The following RPH3AL variants were observed in gnomAD, a reference collection of about 807,000 sequenced individuals.
The protein encoded by RPH3AL is rabphilin 3A like (without C2 domains), also known as rab effector Noc2.
Under a neutral mutation model 43.1 loss-of-function variants are expected in RPH3AL, and 38 were observed. That is an observed-to-expected ratio of 0.88 (90% CI 0.68 to 1.15). The LOEUF is 1.15. Among genes scored for constraint, RPH3AL ranks in the 50% most tolerant of loss-of-function variants. The pLI is 0.00. For missense variants in RPH3AL, 462 were observed against 423.2 expected (o/e 1.09, Z -0.81); for synonymous variants, 189 against 176.3 (o/e 1.07, Z -0.57).
chr17:272,422 G>T (rs2042488192), intron 6 of RPH3AL, among the ~76,000 whole-genome samples: 1 of 151,928 alleles, frequency 6.6e-6, no homozygotes, highest in Admixed American at 6.6e-5. Context: ...GTACTATGCA[G>T]CCATAAAAAA....
At chr17:332,973 C>G in intron 2 of RPH3AL, 1 of 1,267,914 alleles carries the variant, frequency 7.9e-7, no homozygotes, top group South Asian at 1.3e-5. Flanking sequence ...TGATAATTTC[C>G]CGAAAAATTC....
chr17:329,418 G>A (rs550483253), intron 2 of RPH3AL, among the ~76,000 whole-genome samples: 4 of 152,358 alleles, frequency 2.6e-5, no homozygotes, highest in African/African-American at 9.6e-5. Flanking sequence ...GGAGGTTGCA[G>A]TGAGCCGAGA....
chr17:299,525 G>A (rs776304203), intron 5 of RPH3AL, among the ~76,000 whole-genome samples: 1 of 152,220 alleles, frequency 6.6e-6, no homozygotes, highest in Non-Finnish European at 1.5e-5. Flanking sequence ...CAGCAGAAGA[G>A]CTGCCCCCCG....
chr17:309,535 GC>G (rs66620061), intron 5 of RPH3AL, among the ~76,000 whole-genome samples: 13,859 of 58,418 alleles, frequency 0.24, 1,906 homozygotes, highest in East Asian at 0.51. Flanking sequence ...GCTCCTGCCA[GC>G]CCCCCTGCTG....
chr17:221,903 G>A (rs1296676272), intron 7 of RPH3AL, among the ~76,000 whole-genome samples: 1 of 99,876 alleles, frequency 1.0e-5, no homozygotes, highest in Non-Finnish European at 2.0e-5. Flanking sequence ...CATCAGCTCT[G>A]AGGCCTCCAC....
chr17:248,060 C>T (rs1555540935), intron 6 of RPH3AL, among the ~76,000 whole-genome samples: 6 of 152,180 alleles, frequency 3.9e-5, no homozygotes, highest in Non-Finnish European at 2.9e-5. Flanking sequence ...GGCACCTTCT[C>T]TTGCTGGCCC....
chr17:333,557 AT>A lies in RPH3AL; in HGVS notation c.-37+201del. ...AGTATTAAAGTTCTTTAAAAATATG[AT>A]TTTAAACTATAACTTAGTATTCTGA... On this transcript the variant is annotated intron_variant, in intron 2 of 9. Coordinates refer to ENST00000331302, the MANE Select transcript of RPH3AL (RefSeq NM_006987.4). This position sits in a 1 kb window ranked among gnomAD's most constrained non-coding sequence, Gnocchi z 4.5. 1 of 303,908 alleles carries A rather than the reference AT, an allele frequency of 3.3e-6. No individual in the cohort carries two copies. The highest frequency in any genetic ancestry group is 7.7e-5 in the East Asian group (1 of 12,970). 18.8% of individuals were successfully genotyped at this position (303,908 alleles called of 1,614,324 possible).
rs2041755694 is a variant in RPH3AL at position 246,021 on chromosome 17, A to G, written c.613+1090T>C. On this transcript the variant is annotated intron_variant, in intron 7 of 9. Coordinates refer to ENST00000331302, the MANE Select transcript of RPH3AL (RefSeq NM_006987.4). The surrounding 1 kb of genome is among the most constrained non-coding windows in gnomAD (Gnocchi z 4.8). ...GCCTGCAGGCTGCACACCAAGGCAC[A>G]GATGCCGACCTACCTGGCAGGTCCA... Among the ~76,000 whole-genome samples the G allele has an allele frequency of 6.6e-6, 1 of 152,202 alleles. No homozygotes were observed. Among genetic ancestry groups the G allele is most frequent in the Admixed American group, 6.5e-5 (1 of 15,282 alleles).
intron 3 of RPH3AL, among the ~76,000 whole-genome samples, chr17:326,272 G>T (rs1183774462): frequency 1.3e-5 from 2 of 152,242 alleles, no homozygotes; most frequent in African/African-American, 4.8e-5. Context: ...GCTCTCCTGG[G>T]GCGTTTCGAA....
At chr17:309,961 A>AGTCT (rs1296980037) in intron 5 of RPH3AL, among the ~76,000 whole-genome samples, 1 of 151,194 alleles carries the variant, frequency 6.6e-6, no homozygotes, top group Non-Finnish European at 1.5e-5. Context: ...AAGACTGCCC[A>AGTCT]GTCTTCCTTC....
At chr17:268,967 C>T (rs905219477) in intron 6 of RPH3AL, among the ~76,000 whole-genome samples, 10 of 152,194 alleles carry the variant, frequency 6.6e-5, no homozygotes, top group Non-Finnish European at 4.4e-5. Flanking sequence ...CAAGCTCTGC[C>T]TCCCGGGTTC....
chr17:348,241 A>T (rs1463904155), intron 1 of RPH3AL, among the ~76,000 whole-genome samples: 1 of 152,224 alleles, frequency 6.6e-6, no homozygotes, highest in Non-Finnish European at 1.5e-5. Flanking sequence ...GGCGTGGAAC[A>T]GGAAGGATGA....
intron 5 of RPH3AL, among the ~76,000 whole-genome samples, chr17:309,522 A>C (rs1010794827): frequency 6.3e-4 from 63 of 100,222 alleles, no homozygotes; most frequent in African/African-American, 2.1e-3. Context: ...CGCCCTGCCC[A>C]GGGCTCCTGC....
intron 8 of RPH3AL, among the ~76,000 whole-genome samples, chr17:216,643 G>A (rs1446623453): frequency 6.6e-6 from 1 of 152,076 alleles, no homozygotes; most frequent in Non-Finnish European, 1.5e-5. Context: ...AACCGAGGCT[G>A]GCAGGTAAGT....
At chr17:219,779 C>T in intron 7 of RPH3AL, 43 bp from the exon 8 acceptor site, 1 of 1,465,780 alleles carries the variant, frequency 6.8e-7, no homozygotes, top group Non-Finnish European at 9.6e-7. Context: ...CCCGACCAGC[C>T]CCTACCTGCA....
intron 5 of RPH3AL, among the ~76,000 whole-genome samples, chr17:296,843 C>T (rs926148537): frequency 5.3e-5 from 8 of 152,238 alleles, no homozygotes; most frequent in Admixed American, 1.3e-4. Flanking sequence ...GCTGCTCTAA[C>T]GTCCTGCCGG....
chr17:262,562 C>A (rs568082567), intron 6 of RPH3AL, among the ~76,000 whole-genome samples: 1 of 152,208 alleles, frequency 6.6e-6, no homozygotes, highest in South Asian at 2.1e-4. Context: ...CAGCGGCTCA[C>A]GCTCATAATC....
Position 281,147 on chromosome 17 carries a change from C to T in RPH3AL, c.438+621G>A, listed in dbSNP as rs562014172. Among the ~76,000 whole-genome samples the T allele has an allele frequency of 1.3e-4, 20 of 152,246 alleles. No individual in the cohort carries two copies. The South Asian group carries it at 3.7e-3, about 28-fold the overall frequency. Reference sequence around the variant, plus strand: ...TCCTTGCTGAGCCTCGACTTCCTTCCCTCAAATGGGGTTGGAACTAGAACC... The same window carrying T: ...TCCTTGCTGAGCCTCGACTTCCTTCTCTCAAATGGGGTTGGAACTAGAACC... On this transcript the variant is annotated intron_variant, in intron 6 of 9. Coordinates refer to ENST00000331302, the MANE Select transcript of RPH3AL (RefSeq NM_006987.4).
At chr17:294,299 A>T (rs1017004982) in intron 5 of RPH3AL, among the ~76,000 whole-genome samples, 1 of 338 alleles carries the variant, frequency 3.0e-3, no homozygotes, top group Non-Finnish European at 0.25. Flanking sequence ...CCGTCTCTAC[A>T]AAAAAAAAAA....
Sources: allele counts gnomAD v4.1 joint callset (sites outside exome capture counted in the v4.1 genomes callset), GRCh38; gene constraint gnomAD v4.1.1; non-coding constraint Gnocchi (gnomAD v3.1); transcripts MANE v1.5; gene names NCBI Gene and HGNC (gene_info 2026-07-23, HGNC 2026-07-21).